AOPEP: variants seen among roughly 807,000 people sequenced by gnomAD.
The protein encoded by AOPEP is aminopeptidase O (putative), also known as aminopeptidase O.
AOPEP carries 77 observed loss-of-function variants against 98.1 expected under a neutral mutation model. The ratio of observed to expected loss-of-function variants is 0.78; its 90% CI spans 0.65 to 0.95. AOPEP has a LOEUF of 0.95. AOPEP is among the 40% of genes least tolerant of loss of function. AOPEP has a pLI of 0.00. For missense variants in AOPEP, 1,024 were observed against 1,024.7 expected, an observed-to-expected ratio of 1.00 and a Z score of 0.01; for synonymous variants, 346 against 365.3, an observed-to-expected ratio of 0.95 and a Z score of 0.60.
intron 5 of AOPEP, among the ~76,000 whole-genome samples, chr9:94,894,316 A>T (rs1203757593): frequency 6.6e-6 from 1 of 152,228 alleles, no homozygotes; most frequent in Non-Finnish European, 1.5e-5. Flanking sequence ...ACATTGGCTA[A>T]CTGCATTAAG....
intron 10 of AOPEP, among the ~76,000 whole-genome samples, chr9:94,970,676 C>G (rs1310478072): frequency 2.7e-5 from 4 of 149,862 alleles, no homozygotes; most frequent in African/African-American, 9.8e-5. Context: ...TTTGGGAGGT[C>G]TGAAATGTTT....
At chr9:94,975,151 AT>A (rs1391591141) in intron 10 of AOPEP, among the ~76,000 whole-genome samples, 4 of 152,160 alleles carry the variant, frequency 2.6e-5, no homozygotes, top group African/African-American at 9.7e-5. Flanking sequence ...GGATCGTTTC[AT>A]CCCTGGAGGA....
At chr9:95,101,616 C>G in the AOPEP span, 2 of 1,536,120 alleles carry the variant, frequency 1.3e-6, no homozygotes, top group East Asian at 2.3e-5. Flanking sequence ...GGCACTTACT[C>G]CACAAATGCG....
intron 13 of AOPEP, among the ~76,000 whole-genome samples, chr9:95,029,000 G>A (rs2064073740): frequency 6.6e-6 from 1 of 152,228 alleles, no homozygotes; most frequent in Admixed American, 6.5e-5. Context: ...GCGCCAGCTG[G>A]TGAGGAACGC....
At chr9:94,843,741 A>G (rs1193643792) in intron 5 of AOPEP, among the ~76,000 whole-genome samples, 1 of 152,130 alleles carries the variant, frequency 6.6e-6, no homozygotes, top group Non-Finnish European at 1.5e-5. Flanking sequence ...TGAATACCCC[A>G]TTACTATTCA....
intron 2 of AOPEP, among the ~76,000 whole-genome samples, chr9:94,771,594 A>G (rs893569300): frequency 6.6e-6 from 1 of 152,108 alleles, no homozygotes; most frequent in Admixed American, 6.5e-5. Flanking sequence ...GCTTCCTGCT[A>G]GGTTTGGCCA....
chr9:94,911,117 C>T (rs368250158), intron 5 of AOPEP, among the ~76,000 whole-genome samples: 2 of 152,152 alleles, frequency 1.3e-5, no homozygotes, highest in Non-Finnish European at 2.9e-5. Context: ...GACCCCAGTA[C>T]CTCAGTCCTG....
intron 1 of AOPEP, among the ~76,000 whole-genome samples, chr9:94,741,194 T>G (rs1832988106): frequency 6.6e-6 from 1 of 152,102 alleles, no homozygotes; most frequent in Admixed American, 6.5e-5. Context: ...TGGTAAGGAT[T>G]TTGCATTTTT....
intron 5 of AOPEP, among the ~76,000 whole-genome samples, chr9:94,855,725 C>T (rs2044120874): frequency 6.6e-6 from 1 of 152,018 alleles, no homozygotes; most frequent in African/African-American, 2.4e-5. Flanking sequence ...AATTGTGGGG[C>T]ATCTTGTTTT....
chr9:94,886,263 G>C (rs2048229793), intron 5 of AOPEP, among the ~76,000 whole-genome samples: 1 of 152,198 alleles, frequency 6.6e-6, no homozygotes, highest in Admixed American at 6.5e-5. Context: ...AGAAAATAGA[G>C]CCAGGGACCA....
intron 7 of AOPEP, among the ~76,000 whole-genome samples, chr9:94,944,231 C>T (rs2057371715): frequency 1.3e-5 from 2 of 152,082 alleles, no homozygotes; most frequent in African/African-American, 4.8e-5. Flanking sequence ...CCATATAACC[C>T]TGCAATTCCA....
intron 9 of AOPEP, among the ~76,000 whole-genome samples, chr9:94,962,946 G>A (rs112023867): frequency 0.011 from 1,697 of 152,008 alleles, 30 homozygotes; most frequent in African/African-American, 0.038. Flanking sequence ...GGGTTTCACC[G>A]TGTTAACCAG....
intron 13 of AOPEP, among the ~76,000 whole-genome samples, chr9:95,050,220 C>T (rs2066222285): frequency 6.6e-6 from 1 of 152,244 alleles, no homozygotes; most frequent in South Asian, 2.1e-4. Context: ...ACCTCTCACA[C>T]ATTGGCAAGG....
chr9:94,858,952 C>A (rs182228854), intron 5 of AOPEP, among the ~76,000 whole-genome samples: 1 of 146,474 alleles, frequency 6.8e-6, no homozygotes, highest in African/African-American at 2.5e-5. Flanking sequence ...GGTGTGAACC[C>A]GGGAGGCGGA....
chr9:94,990,917 C>T (rs1030355519), intron 11 of AOPEP, among the ~76,000 whole-genome samples: 19 of 152,180 alleles, frequency 1.2e-4, no homozygotes, highest in Admixed American at 1.3e-4. Context: ...CATGAGCCAC[C>T]GCGCCTGGCC....
chr9:95,033,814 A>G lies in AOPEP; in HGVS notation c.2116-26880A>G, dbSNP rs574803428. 1.1e-3 allele frequency among the ~76,000 whole-genome samples: 175 copies of G among 152,366 alleles called. 4 individuals carry two copies. The South Asian group carries it at 0.035, about 31-fold the overall frequency. The stretch of plus-strand genomic sequence containing the variant: ...TTATAGAAATAAGAGTATGAAATAC[A>G]TAAGGATTCTACATATAGAAGTCAC... On this transcript the variant is annotated intron_variant, in intron 13 of 16. Coordinates refer to ENST00000375315, the MANE Select transcript of AOPEP (RefSeq NM_001193329.3).
At chr9:94,758,674 T>G (rs1837585536) in intron 1 of AOPEP, among the ~76,000 whole-genome samples, 1 of 152,218 alleles carries the variant, frequency 6.6e-6, no homozygotes, top group South Asian at 2.1e-4. Flanking sequence ...GAGTTTTTCT[T>G]TCTGTTCTCC....
At position 94,810,376 on chromosome 9, in the gene AOPEP, G is replaced by A. The variant is rs80258351; in HGVS notation, c.1364+9374G>A. 6.6e-3 allele frequency among the ~76,000 whole-genome samples: 996 copies of A among 151,018 alleles called. 7 individuals are homozygous for A. Among genetic ancestry groups the A allele is most frequent in the African/African-American group, 0.023 (958 of 41,012 alleles). ...GTCACCCAGGCTGTAGTGCAGTGGC[G>A]CAATCTCGGATCATTGCATACTCTA... On this transcript the variant is annotated intron_variant, in intron 5 of 16. Transcript: ENST00000375315.
At chr9:94,751,728 C>T (rs1835822791) in intron 1 of AOPEP, among the ~76,000 whole-genome samples, 1 of 151,534 alleles carries the variant, frequency 6.6e-6, no homozygotes, top group African/African-American at 2.4e-5. Context: ...ATGAAGAATA[C>T]CCTACATGAA....
Sources: allele counts gnomAD v4.1 joint callset (sites outside exome capture counted in the v4.1 genomes callset), GRCh38; gene constraint gnomAD v4.1.1; transcripts MANE v1.5; gene names NCBI Gene and HGNC (gene_info 2026-07-23, HGNC 2026-07-21).